Variants in HSD17B3 observed in about 807,000 individuals in gnomAD.
HSD17B3 encodes the protein 17-beta-hydroxysteroid dehydrogenase type 3.
A neutral mutation model predicts 41.1 loss-of-function variants in HSD17B3; 29 were observed. That is an observed-to-expected ratio of 0.71 (90% CI 0.53 to 0.96). The LOEUF (loss-of-function observed/expected upper bound fraction) is 0.96. Ranked by LOEUF, HSD17B3 falls within the 40% of genes least tolerant of loss-of-function variation. The pLI, the probability that HSD17B3 is intolerant of heterozygous loss-of-function variation, is 0.00. For missense variants in HSD17B3, 323 were observed against 374.6 expected (o/e 0.86, Z 1.14); for synonymous variants, 126 against 145.6 (o/e 0.87, Z 0.97).
At chr9:96,238,247 G>C (rs1010852945) in intron 10 of HSD17B3, among the ~76,000 whole-genome samples, 10 of 152,050 alleles carry the variant, frequency 6.6e-5, no homozygotes, top group Non-Finnish European at 1.3e-4. Context: ...AGATGCTGAT[G>C]AGTTCTGTTT....
At chr9:96,275,111 A>G (rs935888474) in intron 2 of HSD17B3, among the ~76,000 whole-genome samples, 10 of 152,116 alleles carry the variant, frequency 6.6e-5, no homozygotes, top group Admixed American at 3.9e-4. Flanking sequence ...AAAGCTGTCG[A>G]CCAAGAATAC....
chr9:96,241,923 G>A (rs1370775131), intron 9 of HSD17B3, among the ~76,000 whole-genome samples: 4 of 96,640 alleles, frequency 4.1e-5, no homozygotes, highest in Non-Finnish European at 8.4e-5. Context: ...CTACATCAGA[G>A]TGAAACCCTG....
chr9:96,293,484 T>C (rs925226444), intron 2 of HSD17B3, among the ~76,000 whole-genome samples: 2 of 146,804 alleles, frequency 1.4e-5, no homozygotes, highest in Non-Finnish European at 2.9e-5. Flanking sequence ...TCCATAACCA[T>C]GTGCGTCAAT....
intron 6 of HSD17B3, among the ~76,000 whole-genome samples, chr9:96,248,710 C>T (rs953610280): frequency 6.6e-6 from 1 of 152,164 alleles, no homozygotes; most frequent in African/African-American, 2.4e-5. Flanking sequence ...AGGGGGAACA[C>T]GTCATTCACA....
At chr9:96,282,551 CAT>C (rs1323083972) in intron 2 of HSD17B3, among the ~76,000 whole-genome samples, 5 of 152,168 alleles carry the variant, frequency 3.3e-5, no homozygotes, top group Middle Eastern at 3.2e-3. Context: ...AGGCCAGGGA[CAT>C]GTGGAGTTAG....
chr9:96,237,243 C>T (rs927436407), intron 10 of HSD17B3, among the ~76,000 whole-genome samples: 2 of 152,144 alleles, frequency 1.3e-5, no homozygotes, highest in Non-Finnish European at 2.9e-5. Context: ...TTAAAAAGTC[C>T]TAAAAGAGTC....
At chr9:96,290,456 CT>C (rs61373611) in intron 2 of HSD17B3, among the ~76,000 whole-genome samples, 28 of 78,432 alleles carry the variant, frequency 3.6e-4, no homozygotes, top group South Asian at 5.9e-4. Context: ...ATTTCCTGGG[CT>C]TTTTTTTTTT....
intron 3 of HSD17B3, 80 bp from the exon 4 acceptor site, chr9:96,252,990 G>C: frequency 1.2e-6 from 1 of 851,422 alleles, no homozygotes; most frequent in East Asian, 2.4e-5. Flanking sequence ...CAGTGCTCCT[G>C]TATTACCTGA....
intron 5 of HSD17B3, chr9:96,250,371 T>TCCA: frequency 9.3e-7 from 1 of 1,072,176 alleles, no homozygotes; most frequent in Non-Finnish European, 1.1e-6. Flanking sequence ...ACACAGGAGA[T>TCCA]GTGTGGTCCA....
At chr9:96,273,833 G>T (rs2130766102) in intron 2 of HSD17B3, among the ~76,000 whole-genome samples, 1 of 152,196 alleles carries the variant, frequency 6.6e-6, no homozygotes, top group South Asian at 2.1e-4. Context: ...CCACCCCCAG[G>T]GCCAGAGTTA....
chr9:96,243,037 C>G (rs1836514396), intron 9 of HSD17B3, among the ~76,000 whole-genome samples: 1 of 152,202 alleles, frequency 6.6e-6, no homozygotes, highest in South Asian at 2.1e-4. Context: ...ACTTCCCACT[C>G]CTTTTCCTCT....
chr9:96,252,792 A>C lies in HSD17B3; in HGVS notation c.385+11T>G, dbSNP rs755472350. The C allele has an allele frequency of 3.6e-6, 5 of 1,405,432 alleles. No homozygotes were observed. 87.1% of individuals were successfully genotyped at this position (1,405,432 alleles called of 1,614,324 possible). A position where few individuals can be genotyped will look rare whatever the true frequency, so the allele number is the denominator to read the frequency against. On this transcript the variant is annotated intron_variant, in intron 4 of 10. Transcript: ENST00000375263. ...TATGACAACAAGCTTTGCATCTTGC[A>C]ATTTACTCACCTAAAATTCCAATTT...
At chr9:96,252,933 T>C (rs1229928907) in intron 3 of HSD17B3, 23 bp from the exon 4 acceptor site, 2 of 1,474,116 alleles carry the variant, frequency 1.4e-6, no homozygotes, top group Admixed American at 3.3e-5. Context: ...CAACAGTTTT[T>C]TTAATGAACA....
intron 2 of HSD17B3, among the ~76,000 whole-genome samples, chr9:96,282,992 C>CTTTTT (rs58397134): frequency 0.016 from 1,113 of 71,652 alleles, 24 homozygotes; most frequent in Non-Finnish European, 0.022. Context: ...AGGTTTCTTT[C>CTTTTT]TTTTTTTTTT....
In HSD17B3 at chr9:96,252,843, A is replaced by G; in HGVS notation, c.345T>C (p.His115=). The G allele has an allele frequency of 1.2e-6, 2 of 1,613,420 alleles. No individual in the cohort carries two copies. The highest frequency in any genetic ancestry group is 2.2e-5 in the South Asian group (2 of 91,066). The change falls in exon 4 of 11, where the codon CAT becomes CAC. Residue 115 remains histidine, a synonymous_variant. Transcript: ENST00000375263. The part of the protein sequence containing the change: ...ADFTKDDIYE[H]IKEKLAGLEI... The stretch of plus-strand genomic sequence containing the variant: ...CTAAGCCTGCAAGTTTTTCTTTAAT[A>G]TGCTCGTAGATGTCATCTTTTGTAA...
At position 96,252,875 on chromosome 9, in the gene HSD17B3, C is replaced by T. The variant is rs761942775; in HGVS notation, c.313G>A (p.Ala105Thr). 3 of 1,613,006 alleles carry T rather than the reference C, an allele frequency of 1.9e-6. No individual in the cohort carries two copies. The African/African-American group carries it at 4.0e-5, about 22-fold the overall frequency. Residue 105 changes from alanine (A) to threonine (T), a missense_variant, in exon 4 of 11, where the codon GCA becomes ACA. Transcript: ENST00000375263. ...TAGATGTCATCTTTTGTAAAATCTG[C>T]TTGTATAATCTTCACACTCCTCCCT... The part of the protein sequence containing the change: ...TTGRSVKIIQ[A>T]DFTKDDIYEH...
chr9:96,272,405 C>CTCTCTCTCTCTCTCTCTATATA (rs1239816824), intron 2 of HSD17B3, among the ~76,000 whole-genome samples: 1 of 21,534 alleles, frequency 4.6e-5, no homozygotes, highest in Non-Finnish European at 8.8e-5. Context: ...CTCTCTCTCT[C>CTCTCTCTCTCTCTCTCTATATA]TATATATATA....
chr9:96,247,338 T>G (rs1270145085), intron 6 of HSD17B3: 1 of 152,702 alleles, frequency 6.5e-6, no homozygotes, highest in African/African-American at 2.4e-5. Flanking sequence ...TGCAGCAGGT[T>G]TGAGACAAGG....
chr9:96,252,818 C>A lies in HSD17B3; in HGVS notation c.370G>T (p.Glu124Ter). 6.2e-7 allele frequency: 1 copy of A among 1,607,608 alleles called. No individual in the cohort carries two copies. The highest frequency in any genetic ancestry group is 1.3e-5 in the African/African-American group (1 of 74,906). The change falls in exon 4 of 11, where the codon GAA becomes TAA. Residue 124 changes from glutamate (E) to a stop codon, truncating the protein, a stop_gained. Transcript: ENST00000375263. LOFTEE classifies it high-confidence loss of function. Reference sequence around the variant, plus strand: ...ATTTACTCACCTAAAATTCCAATTTCTAAGCCTGCAAGTTTTTCTTTAATA... The same window carrying A: ...ATTTACTCACCTAAAATTCCAATTTATAAGCCTGCAAGTTTTTCTTTAATA... Reference protein sequence around the residue: ...EHIKEKLAGLEIGILVNNVGM... With the variant: ...EHIKEKLAGL
Sources: allele counts gnomAD v4.1 joint callset (sites outside exome capture counted in the v4.1 genomes callset), GRCh38; gene constraint gnomAD v4.1.1; transcripts MANE v1.5; gene names NCBI Gene and HGNC (gene_info 2026-07-23, HGNC 2026-07-21).